The following SLFN12L variants were observed in gnomAD, a reference collection of about 807,000 sequenced individuals.
SLFN12L encodes schlafen family member 12-like.
In SLFN12L, 34 loss-of-function variants were observed where a neutral mutation model predicts 34.8. The ratio of observed to expected loss-of-function variants is 0.98; its 90% confidence interval spans 0.74 to 1.30. SLFN12L has a LOEUF of 1.30. Among genes scored for constraint, SLFN12L ranks in the 50% most tolerant of loss-of-function variants. The pLI, the probability that SLFN12L is intolerant of heterozygous loss-of-function variation, is 0.00. For synonymous variants in SLFN12L, 259 were observed against 247.5 expected, an observed-to-expected ratio of 1.05 and a Z score of -0.44; for missense variants, 703 against 696.2, an observed-to-expected ratio of 1.01 and a Z score of -0.11.
At chr17:35,518,885 A>AGACACAT (rs1915917117) in intron 2 of SLFN12L, among the ~76,000 whole-genome samples, 2 of 152,236 alleles carry the variant, frequency 1.3e-5, no homozygotes, top group African/African-American at 2.4e-5. Flanking sequence ...TCTACTATAA[A>AGACACAT]GACACATGCA....
chr17:35,512,541 T>C (rs1388228094), intron 2 of SLFN12L, among the ~76,000 whole-genome samples: 5 of 152,092 alleles, frequency 3.3e-5, no homozygotes, highest in Non-Finnish European at 7.4e-5. Flanking sequence ...AATTTTTTTG[T>C]ATTTTTAGTA....
At chr17:35,508,169 C>T (rs139433285) in intron 2 of SLFN12L, among the ~76,000 whole-genome samples, 12 of 152,300 alleles carry the variant, frequency 7.9e-5, no homozygotes, top group South Asian at 2.1e-4. Context: ...AGTCATGTAC[C>T]GCCTGCTTGC....
Position 35,477,991 on chromosome 17 carries a change from A to G in SLFN12L, c.1276+84T>C, listed in dbSNP as rs150869028. 29 of 805,208 alleles carry G rather than the reference A, an allele frequency of 3.6e-5. 1 individual carries two copies. The East Asian group carries it at 8.5e-4, about 24-fold the overall frequency. 49.9% of individuals were successfully genotyped at this position (805,208 alleles called of 1,614,324 possible). A position where few individuals can be genotyped will look rare whatever the true frequency, so the allele number is the denominator to read the frequency against. ...AACAAAAGAATGTGCTTCCATAACA[A>G]ATATCAAGACAGAGCTGGTTTGAAG... On this transcript the variant is annotated intron_variant, in intron 4 of 4. Coordinates refer to ENST00000628453, the MANE Select transcript of SLFN12L (RefSeq NM_001363830.2).
At chr17:35,501,903 G>A (rs1567671000) in intron 2 of SLFN12L, among the ~76,000 whole-genome samples, 1 of 152,040 alleles carries the variant, frequency 6.6e-6, no homozygotes, top group Non-Finnish European at 1.5e-5. Flanking sequence ...CAGTGGTTGA[G>A]AGAACAGCAG....
chr17:35,504,021 G>A (rs11654795), intron 2 of SLFN12L, among the ~76,000 whole-genome samples: 51,054 of 152,030 alleles, frequency 0.34, 8,854 homozygotes, highest in South Asian at 0.48. Flanking sequence ...CTATTCTATC[G>A]CTCTTTCTTC....
rs554992778 is a variant in SLFN12L, at chr17:35,483,740, G to A, written c.87-3545C>T. ...AACCTAAAGACTGTAGGTTTGTCAAGTGGCCTAGAGACAGTTGAGAGTAAA... is the reference window on the plus strand; with the variant it reads ...AACCTAAAGACTGTAGGTTTGTCAAATGGCCTAGAGACAGTTGAGAGTAAA... On this transcript the variant is annotated intron_variant, in intron 2 of 4. Transcript: ENST00000628453. Among the ~76,000 whole-genome samples the A allele has an allele frequency of 5.9e-5, 9 of 152,266 alleles. No individual in the cohort carries two copies. The South Asian group carries it at 1.9e-3, about 32-fold the overall frequency.
At chr17:35,487,644 A>C in intron 2 of SLFN12L, 2 of 1,421,560 alleles carry the variant, frequency 1.4e-6, no homozygotes, top group Non-Finnish European at 1.9e-6. Context: ...CTGAGGGATC[A>C]CGGAGAAGTT....
At chr17:35,507,151 C>T (rs1272474689) in intron 2 of SLFN12L, among the ~76,000 whole-genome samples, 2 of 152,284 alleles carry the variant, frequency 1.3e-5, no homozygotes, top group East Asian at 1.9e-4. Flanking sequence ...CACTATTAAA[C>T]CATCTTTCTT....
At chr17:35,505,007 C>T (rs1408956903) in intron 2 of SLFN12L, among the ~76,000 whole-genome samples, 1 of 152,146 alleles carries the variant, frequency 6.6e-6, no homozygotes, top group Non-Finnish European at 1.5e-5. Flanking sequence ...GCAAGAGAAG[C>T]CCCTTATGGG....
intron 2 of SLFN12L, among the ~76,000 whole-genome samples, chr17:35,483,349 C>T (rs1254423096): frequency 6.6e-6 from 1 of 152,184 alleles, no homozygotes; most frequent in East Asian, 1.9e-4. Flanking sequence ...TCTTCCTGGA[C>T]ACAGGACAAG....
At chr17:35,478,476 A>G in intron 3 of SLFN12L, 1 of 203,738 alleles carries the variant, frequency 4.9e-6, no homozygotes, top group Admixed American at 6.2e-5. Flanking sequence ...TTATTTTAAA[A>G]CAAGTTAAAA....
At chr17:35,536,012 T>TCTTG (rs2142183116) in intron 1 of SLFN12L, among the ~76,000 whole-genome samples, 1 of 150,796 alleles carries the variant, frequency 6.6e-6, no homozygotes, top group East Asian at 1.9e-4. Flanking sequence ...AGAGATGGGG[T>TCTTG]CTTGCTATGT....
intron 2 of SLFN12L, chr17:35,487,714 AAG>A (rs1443803126): frequency 4.5e-6 from 6 of 1,326,548 alleles, no homozygotes; most frequent in Non-Finnish European, 5.9e-6. Context: ...TTTAAAGAAA[AAG>A]AGAACGAACC....
intron 1 of SLFN12L, among the ~76,000 whole-genome samples, chr17:35,529,813 T>C (rs964810046): frequency 1.8e-4 from 27 of 152,130 alleles, no homozygotes; most frequent in African/African-American, 6.5e-4. Flanking sequence ...CTGCACATTC[T>C]GCACATGTAC....
At chr17:35,528,521 AG>A in intron 1 of SLFN12L, among the ~76,000 whole-genome samples, 1 of 152,344 alleles carries the variant, frequency 6.6e-6, no homozygotes, top group East Asian at 1.9e-4. Flanking sequence ...AACAGAACAG[AG>A]GCCTCAGAAA....
Position 35,479,689 on chromosome 17 carries a change from G to T in SLFN12L, c.593C>A (p.Ala198Glu). 6.2e-7 allele frequency: 1 copy of T among 1,613,474 alleles called. No homozygotes were observed. The highest frequency in any genetic ancestry group is 8.5e-7 in the Non-Finnish European group (1 of 1,179,670). The change falls in exon 3 of 5, where the codon GCA becomes GAA. Residue 198 changes from alanine to glutamate, a missense_variant. By Grantham distance (107) the Ala-to-Glu change is moderately radical (BLOSUM62 -1). Transcript: ENST00000628453. ...LKDMEKTGGR[A>E]YLRPEFPAKR... is the part of the protein sequence containing the mutation. ...TGCAGGGAATTCTGGTCTTAAATATGCTCTCCCTCCAGTTTTTTCCATGTC... is the reference window on the plus strand; with the variant it reads ...TGCAGGGAATTCTGGTCTTAAATATTCTCTCCCTCCAGTTTTTTCCATGTC...
At chr17:35,478,375 C>A in intron 3 of SLFN12L, 190 bp from the exon 4 acceptor site, 1 of 425,488 alleles carries the variant, frequency 2.4e-6, no homozygotes, top group Non-Finnish European at 4.1e-6. Context: ...AAAATTAACT[C>A]TTGATGCTGC....
chr17:35,494,909 ATTTAT>A (rs1019578306), intron 2 of SLFN12L, among the ~76,000 whole-genome samples: 2 of 150,154 alleles, frequency 1.3e-5, no homozygotes, highest in African/African-American at 4.9e-5. Flanking sequence ...TTATTTATTT[ATTTAT>A]TTATTTATTG....
chr17:35,479,416 ACTT>A lies in SLFN12L; in HGVS notation c.863_865del (p.Glu288del), dbSNP rs1914191328. 2.7e-5 allele frequency: 43 copies of A among 1,613,658 alleles called. No homozygotes were observed. Among genetic ancestry groups the A allele is most frequent in the Non-Finnish European group, 3.6e-5 (43 of 1,179,820 alleles). On this transcript the variant is annotated inframe_deletion, in exon 3 of 5. Transcript: ENST00000628453. Reference sequence around the variant, plus strand: ...ACTCTTCTCTGCTTTAAAGCCAATTACTTCTTTATCTTCATTTAGACCAACGAA... The same window carrying A: ...ACTCTTCTCTGCTTTAAAGCCAATTACTTTATCTTCATTTAGACCAACGAA...
Sources: gnomAD v4.1 joint callset for allele counts (sites outside exome capture counted in the v4.1 genomes callset) on GRCh38, gnomAD v4.1.1 for gene constraint, MANE v1.5 for transcripts, NCBI Gene and HGNC (gene_info 2026-07-23, HGNC 2026-07-21) for gene names.